Variants in CTNND2 observed in about 807,000 individuals in gnomAD.
CTNND2 encodes the protein catenin delta-2.
Under a neutral mutation model 144.4 loss-of-function variants are expected in CTNND2, and 22 were observed. That is an observed-to-expected ratio of 0.15 (90% CI 0.11 to 0.22). The LOEUF (loss-of-function observed/expected upper bound fraction) is 0.22. CTNND2 is among the 10% of genes least tolerant of loss of function. CTNND2 has a pLI of 1.00. For missense variants in CTNND2, 1,353 were observed against 1,618.8 expected (o/e 0.84, Z 2.82); for synonymous variants, 751 against 695.6 (o/e 1.08, Z -1.25).
chr5:11,118,297 C>T (rs768566759), intron 12 of CTNND2, among the ~76,000 whole-genome samples: 2 of 152,210 alleles, frequency 1.3e-5, no homozygotes, highest in Non-Finnish European at 2.9e-5. Flanking sequence ...TTGTTCTTCT[C>T]CTACCCACAG....
Position 11,641,637 on chromosome 5 carries a change from T to C in CTNND2, c.175-76581A>G, listed in dbSNP as rs542454113. Among the ~76,000 whole-genome samples, 408 of 145,496 alleles carry C rather than the reference T, an allele frequency of 2.8e-3. 2 individuals are homozygous for C. Among genetic ancestry groups the C allele is most frequent in the African/African-American group, 0.01 (372 of 36,410 alleles). On this transcript the variant is annotated intron_variant, in intron 2 of 21. Transcript: ENST00000304623. ...ACGTGTGTGTATACATATACGTGTG[T>C]GTATATACATATACGTGTGTATATA...
At chr5:11,828,889 A>G (rs903441700) in intron 1 of CTNND2, among the ~76,000 whole-genome samples, 1 of 152,140 alleles carries the variant, frequency 6.6e-6, no homozygotes, top group African/African-American at 2.4e-5. Flanking sequence ...GACTTGTTGA[A>G]TGGCTTTGCC....
chr5:11,529,498 G>T (rs1197819677), intron 3 of CTNND2, among the ~76,000 whole-genome samples: 1 of 152,216 alleles, frequency 6.6e-6, no homozygotes. Flanking sequence ...ACTCTGCCTT[G>T]GCACTCAAGA....
intron 20 of CTNND2, among the ~76,000 whole-genome samples, chr5:10,983,160 A>C (rs1172269580): frequency 6.6e-6 from 1 of 152,212 alleles, no homozygotes; most frequent in African/African-American, 2.4e-5. Flanking sequence ...TGGAATTGGG[A>C]TGTTCCTAAC....
intron 6 of CTNND2, among the ~76,000 whole-genome samples, chr5:11,392,014 G>T (rs147627674): frequency 1.3e-5 from 2 of 152,160 alleles, no homozygotes; most frequent in Non-Finnish European, 2.9e-5. Flanking sequence ...AACCACCCTC[G>T]CTGCTTTCTC....
At chr5:11,412,290 G>A (rs550137007) in intron 3 of CTNND2, among the ~76,000 whole-genome samples, 1 of 152,108 alleles carries the variant, frequency 6.6e-6, no homozygotes, top group South Asian at 2.1e-4. Context: ...GTTTTAAATG[G>A]ACATTGTCCA....
At chr5:11,897,690 T>C (rs1386212642) in intron 1 of CTNND2, among the ~76,000 whole-genome samples, 2 of 152,206 alleles carry the variant, frequency 1.3e-5, no homozygotes, top group Non-Finnish European at 2.9e-5. Context: ...TCATGGACCA[T>C]AGTTGCTACA....
chr5:11,726,168 C>T lies in CTNND2; in HGVS notation c.174+5968G>A, dbSNP rs554332157. Among the ~76,000 whole-genome samples, 6 of 152,198 alleles carry T rather than the reference C, an allele frequency of 3.9e-5. No homozygotes were observed. In the East Asian group the frequency reaches 1.2e-3, roughly 29 times the overall value. On this transcript the variant is annotated intron_variant, in intron 2 of 21. Transcript: ENST00000304623. ...ATGATTAATGTACAAGGAAGTGTGA[C>T]ATGTCACTTCTTTTCATACTGTGAA...
intron 3 of CTNND2, among the ~76,000 whole-genome samples, chr5:11,537,719 A>C (rs1379123337): frequency 6.6e-6 from 1 of 152,244 alleles, no homozygotes; most frequent in African/African-American, 2.4e-5. Flanking sequence ...AAGAGTATGA[A>C]GAAAGCAGCA....
chr5:11,272,584 T>C (rs193050072), intron 9 of CTNND2, among the ~76,000 whole-genome samples: 302 of 152,236 alleles, frequency 2.0e-3, no homozygotes, highest in African/African-American at 6.7e-3. Context: ...TAAATACTGG[T>C]GAAAACGCTC....
chr5:11,433,171 G>A (rs746042175), intron 3 of CTNND2, among the ~76,000 whole-genome samples: 9 of 152,100 alleles, frequency 5.9e-5, no homozygotes, highest in East Asian at 1.9e-4. Context: ...GCGTGAACCC[G>A]GGAGACAGAG....
chr5:11,004,012 A>C (rs1201003671), intron 18 of CTNND2, among the ~76,000 whole-genome samples: 1 of 152,260 alleles, frequency 6.6e-6, no homozygotes. Context: ...CTAATTCTAA[A>C]GAACCAGTGT....
chr5:11,462,858 A>C (rs11949683), intron 3 of CTNND2, among the ~76,000 whole-genome samples: 10,957 of 152,002 alleles, frequency 0.072, 425 homozygotes, highest in South Asian at 0.11. Flanking sequence ...AAGAAACAAG[A>C]AAAAAAGGAC....
At chr5:11,281,129 T>C (rs1169856780) in intron 9 of CTNND2, among the ~76,000 whole-genome samples, 1 of 152,230 alleles carries the variant, frequency 6.6e-6, no homozygotes, top group Non-Finnish European at 1.5e-5. Context: ...AAACATTTTA[T>C]GTTTTCGGCC....
intron 3 of CTNND2, among the ~76,000 whole-genome samples, chr5:11,519,926 G>C (rs1325996696): frequency 1.3e-5 from 2 of 151,818 alleles, no homozygotes; most frequent in Admixed American, 1.3e-4. Flanking sequence ...ATCACCTAAG[G>C]TCAGGAGTTC....
At chr5:11,102,970 ATTTTTT>A (rs778134907) in intron 14 of CTNND2, among the ~76,000 whole-genome samples, 10 of 84,084 alleles carry the variant, frequency 1.2e-4, no homozygotes, top group South Asian at 5.0e-4. Flanking sequence ...TATTTAAAAG[ATTTTTT>A]TTTTTTTTTT....
intron 1 of CTNND2, among the ~76,000 whole-genome samples, chr5:11,795,783 TACTC>T (rs1791369357): frequency 6.6e-6 from 1 of 152,240 alleles, no homozygotes; most frequent in Non-Finnish European, 1.5e-5. Flanking sequence ...TCTTCTGTCT[TACTC>T]AGTAAGGTTT....
At chr5:11,587,038 G>T (rs962746564) in intron 2 of CTNND2, among the ~76,000 whole-genome samples, 1 of 152,026 alleles carries the variant, frequency 6.6e-6, no homozygotes, top group Non-Finnish European at 1.5e-5. Context: ...ACTTAATTGC[G>T]TTTTTAAACT....
chr5:11,269,875 T>C (rs1745816431), intron 9 of CTNND2, among the ~76,000 whole-genome samples: 1 of 152,204 alleles, frequency 6.6e-6, no homozygotes, highest in Admixed American at 6.5e-5. Flanking sequence ...GATGCTTCTC[T>C]AGAAAAATTA....
Sources: allele counts gnomAD v4.1 joint callset (sites outside exome capture counted in the v4.1 genomes callset), GRCh38; gene constraint gnomAD v4.1.1; transcripts MANE v1.5; gene names NCBI Gene and HGNC (gene_info 2026-07-23, HGNC 2026-07-21).